CD2AP: variants seen among roughly 807,000 people sequenced by gnomAD.
The protein encoded by CD2AP is CD2-associated protein.
CD2AP carries 46 observed loss-of-function variants against 85.1 expected under a neutral mutation model. That is an observed-to-expected ratio of 0.54 (90% CI 0.43 to 0.69). The LOEUF is 0.69. Ranked by LOEUF, CD2AP falls within the 30% of genes least tolerant of loss-of-function variation. The pLI is 0.00. For missense variants in CD2AP, 769 were observed against 729.5 expected (o/e 1.05, Z -0.62); for synonymous variants, 255 against 252.9 (o/e 1.01, Z -0.08).
At chr6:47,547,868 A>C (rs748488019) in intron 4 of CD2AP, among the ~76,000 whole-genome samples, 27 of 152,212 alleles carry the variant, frequency 1.8e-4, no homozygotes, top group Non-Finnish European at 3.2e-4. Context: ...CAACTCCAAA[A>C]GGAGCCTTGA....
intron 1 of CD2AP, among the ~76,000 whole-genome samples, chr6:47,493,618 A>C (rs1765786756): frequency 6.6e-6 from 1 of 151,808 alleles, no homozygotes; most frequent in Non-Finnish European, 1.5e-5. Flanking sequence ...TTATTTTTGG[A>C]AAATTCTTAG....
intron 3 of CD2AP, among the ~76,000 whole-genome samples, chr6:47,538,707 G>T (rs541620302): frequency 6.6e-6 from 1 of 152,130 alleles, no homozygotes; most frequent in African/African-American, 2.4e-5. Context: ...TTCTTATTGG[G>T]GTATGCTCTT....
At chr6:47,569,210 A>G (rs1768082193) in intron 5 of CD2AP, among the ~76,000 whole-genome samples, 1 of 152,146 alleles carries the variant, frequency 6.6e-6, no homozygotes, top group Non-Finnish European at 1.5e-5. Context: ...TTGACATACT[A>G]ATGGCTGACA....
chr6:47,551,672 C>T (rs1562027983), intron 4 of CD2AP, among the ~76,000 whole-genome samples: 2 of 152,118 alleles, frequency 1.3e-5, no homozygotes, highest in Non-Finnish European at 2.9e-5. Context: ...TTGTATTATG[C>T]CTGTGAGTCA....
rs926745269 is a variant in CD2AP at position 47,578,194 on chromosome 6, T to TA, written c.903+1100dup. Among the ~76,000 whole-genome samples the TA allele has an allele frequency of 5.1e-4, 77 of 150,976 alleles. 1 individual carries two copies. The Middle Eastern group carries it at 0.01, about 20-fold the overall frequency. On this transcript the variant is annotated intron_variant, in intron 8 of 17. Coordinates refer to ENST00000359314, the MANE Select transcript of CD2AP (RefSeq NM_012120.3). ...AAGAAACTTAGAAGGTCTTGTTAAT[T>TA]AAAAAAAAAGAAAAAGAAAAATTAA...
intron 13 of CD2AP, among the ~76,000 whole-genome samples, chr6:47,599,809 CA>C (rs1332205850): frequency 6.6e-6 from 1 of 151,950 alleles, no homozygotes; most frequent in Non-Finnish European, 1.5e-5. Context: ...TCAGTGCCAG[CA>C]TTAGATTATA....
Position 47,579,599 on chromosome 6 carries a change from T to G in CD2AP, c.1008+110T>G. Reference sequence around the variant, plus strand: ...ATTGAATAATTTTTATGAAGGAGTTTCAGATGTAGCTATTCAGGTAGGAGT... The same window carrying G: ...ATTGAATAATTTTTATGAAGGAGTTGCAGATGTAGCTATTCAGGTAGGAGT... On this transcript the variant is annotated intron_variant, in intron 9 of 17. Coordinates refer to ENST00000359314, the MANE Select transcript of CD2AP (RefSeq NM_012120.3). 4.2e-6 allele frequency: 3 copies of G among 714,048 alleles called. No homozygotes were observed. The Admixed American group carries it at 6.6e-5, about 16-fold the overall frequency. The allele number at this position is 714,048 out of a possible 1,614,324, so 44.2% of individuals were successfully genotyped here. A position where few individuals can be genotyped will look rare whatever the true frequency, so the allele number is the denominator to read the frequency against.
At chr6:47,543,713 T>C (rs906960466) in intron 3 of CD2AP, among the ~76,000 whole-genome samples, 6 of 152,208 alleles carry the variant, frequency 3.9e-5, no homozygotes, top group African/African-American at 4.8e-5. Context: ...CCTTAGGACC[T>C]CATTTAACCC....
intron 17 of CD2AP, among the ~76,000 whole-genome samples, chr6:47,622,997 G>T (rs1378017307): frequency 6.6e-6 from 1 of 152,112 alleles, no homozygotes; most frequent in East Asian, 1.9e-4. Flanking sequence ...ACCGCTTTCT[G>T]TATCTTTGGA....
chr6:47,595,807 A>C, intron 11 of CD2AP, 54 bp from the exon 12 acceptor site: 3 of 1,527,392 alleles, frequency 2.0e-6, no homozygotes, highest in Non-Finnish European at 2.7e-6. Context: ...TTGGAAATAG[A>C]AAAACCTAAA....
chr6:47,563,011 G>T, intron 5 of CD2AP: 1 of 375,014 alleles, frequency 2.7e-6, no homozygotes, highest in Non-Finnish European at 4.9e-6. Context: ...TCCTTCAAAT[G>T]CAAGAAATGA....
At chr6:47,576,697 T>A in intron 7 of CD2AP, 95 bp downstream of exon 7, 2 of 936,450 alleles carry the variant, frequency 2.1e-6, no homozygotes, top group Non-Finnish European at 3.5e-6. Flanking sequence ...CACTGTCTTA[T>A]TAGAATAGCA....
chr6:47,621,032 T>G (rs187286255), intron 17 of CD2AP, among the ~76,000 whole-genome samples: 3 of 152,320 alleles, frequency 2.0e-5, no homozygotes, highest in East Asian at 1.9e-4. Flanking sequence ...GGATGCCCTT[T>G]ATTTATTTCT....
chr6:47,548,122 C>G (rs1053985700), intron 4 of CD2AP, among the ~76,000 whole-genome samples: 1 of 151,986 alleles, frequency 6.6e-6, no homozygotes, highest in Non-Finnish European at 1.5e-5. Context: ...GAGCACAGAC[C>G]ATTTAAGGGC....
At chr6:47,542,860 G>T (rs998449486) in intron 3 of CD2AP, among the ~76,000 whole-genome samples, 1 of 151,978 alleles carries the variant, frequency 6.6e-6, no homozygotes, top group East Asian at 1.9e-4. Flanking sequence ...AATTTAGAAA[G>T]CTATTTGTGG....
intron 15 of CD2AP, 48 bp downstream of exon 15, chr6:47,608,076 G>T (rs775985372): frequency 3.1e-6 from 4 of 1,270,320 alleles, no homozygotes; most frequent in Non-Finnish European, 4.6e-6. Flanking sequence ...GGGATTCTTT[G>T]TGGACATCAA....
intron 17 of CD2AP, 59 bp downstream of exon 17, chr6:47,612,595 C>T: frequency 3.3e-6 from 4 of 1,194,480 alleles, no homozygotes; most frequent in Non-Finnish European, 5.0e-6. Flanking sequence ...ATGTTTTTCC[C>T]AACCCAACTG....
intron 2 of CD2AP, among the ~76,000 whole-genome samples, chr6:47,532,376 TACACACACACACACACACACACACAC>T (rs10522555): frequency 7.0e-6 from 1 of 141,976 alleles, no homozygotes. Context: ...TATATATGTA[TACACACACACACACACACACACACAC>T]ACACACACAC....
intron 1 of CD2AP, among the ~76,000 whole-genome samples, chr6:47,482,439 C>T (rs1187728407): frequency 9.0e-5 from 13 of 145,146 alleles, no homozygotes; most frequent in Non-Finnish European, 1.3e-4. Context: ...AGTGCAGTGG[C>T]GCGATCTCGG....
Sources: gnomAD v4.1 joint callset for allele counts (sites outside exome capture counted in the v4.1 genomes callset) on GRCh38, gnomAD v4.1.1 for gene constraint, MANE v1.5 for transcripts, NCBI Gene and HGNC (gene_info 2026-07-23, HGNC 2026-07-21) for gene names.